Variants in TLL2 observed in about 807,000 individuals in gnomAD.
TLL2 encodes the protein tolloid-like protein 2.
A neutral mutation model predicts 123.0 loss-of-function variants in TLL2; 106 were observed. That is an observed-to-expected ratio of 0.86 (90% CI 0.74 to 1.01). The LOEUF is 1.01. Among genes scored for constraint, TLL2 ranks in the 50% least tolerant of loss-of-function variants. TLL2 has a pLI of 0.00. For missense variants in TLL2, 1,332 were observed against 1,336.7 expected (o/e 1.00, Z 0.06); for synonymous variants, 494 against 516.8 (o/e 0.96, Z 0.60).
At chr10:96,512,060 C>G (rs1017641893) in intron 1 of TLL2, among the ~76,000 whole-genome samples, 4 of 152,168 alleles carry the variant, frequency 2.6e-5, no homozygotes, top group African/African-American at 9.7e-5. Flanking sequence ...CTCCTCTGCC[C>G]ACCTTCCTAA....
chr10:96,442,607 C>T (rs1028000041), intron 3 of TLL2, among the ~76,000 whole-genome samples: 7 of 152,142 alleles, frequency 4.6e-5, no homozygotes, highest in African/African-American at 2.4e-5. Context: ...TTATCCGCTT[C>T]GAACAAACCA....
intron 17 of TLL2, 50 bp from the exon 18 acceptor site, chr10:96,376,869 G>C (rs772297960): frequency 1.3e-5 from 19 of 1,473,492 alleles, no homozygotes; most frequent in Non-Finnish European, 1.6e-5. Context: ...TTCACTGTGG[G>C]CAGCACAAGA....
chr10:96,446,209 C>A (rs1277130360), intron 2 of TLL2, 41 bp from the exon 3 acceptor site: 2 of 1,600,876 alleles, frequency 1.2e-6, no homozygotes, highest in South Asian at 1.1e-5. Context: ...GACACATCAG[C>A]CTTCTCTGCA....
intron 2 of TLL2, among the ~76,000 whole-genome samples, chr10:96,460,737 A>G (rs546976515): frequency 5.3e-5 from 8 of 152,324 alleles, no homozygotes; most frequent in African/African-American, 1.9e-4. Flanking sequence ...CTATGAGTCA[A>G]TTAAACCTCT....
intron 2 of TLL2, among the ~76,000 whole-genome samples, chr10:96,463,466 G>C (rs1214423184): frequency 1.3e-5 from 2 of 152,198 alleles, no homozygotes; most frequent in Non-Finnish European, 1.5e-5. Flanking sequence ...CAGACTTCGG[G>C]ACCTCAGGCA....
intron 1 of TLL2, among the ~76,000 whole-genome samples, chr10:96,503,353 C>G (rs748190957): frequency 6.6e-6 from 1 of 152,164 alleles, no homozygotes; most frequent in African/African-American, 2.4e-5. Context: ...TGTTCACTGC[C>G]TCATTTAATC....
chr10:96,484,135 C>G (rs1035242465), intron 1 of TLL2, among the ~76,000 whole-genome samples: 4 of 152,190 alleles, frequency 2.6e-5, no homozygotes, highest in Admixed American at 2.6e-4. Flanking sequence ...TGAGCCACTT[C>G]GCCTGGCCCA....
At chr10:96,482,836 T>A (rs1204375737) in intron 1 of TLL2, among the ~76,000 whole-genome samples, 1 of 152,146 alleles carries the variant, frequency 6.6e-6, no homozygotes, top group Admixed American at 6.5e-5. Context: ...AGATGTCTGT[T>A]AAAGAAAAAA....
intron 2 of TLL2, among the ~76,000 whole-genome samples, chr10:96,476,240 A>ATATATATATATATATTC: frequency 9.8e-5 from 2 of 20,496 alleles, no homozygotes; most frequent in African/African-American, 3.5e-4. Flanking sequence ...ATATATATAT[A>ATATATATATATATATTC]TTTTATTTTT....
At chr10:96,398,141 AGCAACATGAT>A (rs1414457446) in intron 10 of TLL2, among the ~76,000 whole-genome samples, 1 of 152,190 alleles carries the variant, frequency 6.6e-6, no homozygotes, top group African/African-American at 2.4e-5. Flanking sequence ...GCAGGATGGC[AGCAACATGAT>A]TCCAGGCCCA....
At chr10:96,378,674 A>C (rs1286044571) in intron 17 of TLL2, among the ~76,000 whole-genome samples, 1 of 152,238 alleles carries the variant, frequency 6.6e-6, no homozygotes, top group East Asian at 1.9e-4. Flanking sequence ...CCAAGGTCAC[A>C]CAGCTAGGGA....
chr10:96,434,541 A>G (rs1046683817), intron 3 of TLL2, among the ~76,000 whole-genome samples: 7 of 152,238 alleles, frequency 4.6e-5, no homozygotes, highest in Non-Finnish European at 8.8e-5. Context: ...ATGGCTGAGT[A>G]GTATTCCATT....
In TLL2 at chr10:96,381,497, C is replaced by T. The variant is rs914574151; in HGVS notation, c.2195-2405G>A. On this transcript the variant is annotated intron_variant, in intron 16 of 20. Transcript: ENST00000357947. ...AACTTAACCTGTGCTCACACTGCCT[C>T]CCCTACTGGGGACCCTGATTACTTT... is the stretch of plus-strand genomic sequence containing the variant. Among the ~76,000 whole-genome samples, 7 of 152,300 alleles carry T rather than the reference C, an allele frequency of 4.6e-5. No individual in the cohort carries two copies. The East Asian group carries it at 1.4e-3, about 29-fold the overall frequency.
intron 7 of TLL2, among the ~76,000 whole-genome samples, chr10:96,419,549 G>A (rs1467486321): frequency 7.9e-5 from 12 of 152,060 alleles, no homozygotes; most frequent in Non-Finnish European, 1.6e-4. Flanking sequence ...AGGCCAGGAA[G>A]GCTCAATTTC....
intron 16 of TLL2, among the ~76,000 whole-genome samples, chr10:96,382,232 C>T (rs1417347194): frequency 9.2e-5 from 14 of 152,178 alleles, no homozygotes; most frequent in African/African-American, 2.9e-4. Flanking sequence ...GGTTTCACCA[C>T]GTTGGGCAGG....
intron 2 of TLL2, among the ~76,000 whole-genome samples, chr10:96,463,329 A>T (rs944580818): frequency 6.6e-6 from 1 of 152,164 alleles, no homozygotes; most frequent in Admixed American, 6.5e-5. Context: ...CCCAACGTTC[A>T]TTTCAGAGTA....
intron 1 of TLL2, among the ~76,000 whole-genome samples, chr10:96,505,015 T>C (rs1488970594): frequency 6.8e-6 from 1 of 146,150 alleles, no homozygotes; most frequent in Admixed American, 6.7e-5. Flanking sequence ...CTCAAAAAAA[T>C]AAAAAATAAA....
intron 13 of TLL2, among the ~76,000 whole-genome samples, chr10:96,394,510 C>T (rs776666109): frequency 6.6e-6 from 1 of 152,206 alleles, no homozygotes; most frequent in African/African-American, 2.4e-5. Context: ...TACAGAGCAG[C>T]AGGTCCCCAG....
chr10:96,376,577 G>A, intron 18 of TLL2, 115 bp downstream of exon 18: 1 of 1,149,538 alleles, frequency 8.7e-7, no homozygotes, highest in Non-Finnish European at 1.2e-6. Flanking sequence ...CTGAGACCTG[G>A]AAATGTTGAG....
Sources: allele counts gnomAD v4.1 joint callset (sites outside exome capture counted in the v4.1 genomes callset), GRCh38; gene constraint gnomAD v4.1.1; transcripts MANE v1.5; gene names NCBI Gene and HGNC (gene_info 2026-07-23, HGNC 2026-07-21).